The following HEG1 variants were observed in gnomAD, a reference collection of about 807,000 sequenced individuals.
The protein encoded by HEG1 is protein HEG homolog 1.
In HEG1, 56 loss-of-function variants were observed where a neutral mutation model predicts 125.6. The observed-to-expected ratio is 0.45, with a 90% confidence interval of 0.36 to 0.56. HEG1 has a LOEUF of 0.56. Ranked by LOEUF, HEG1 falls within the 20% of genes least tolerant of loss-of-function variation. HEG1 has a pLI of 0.00. For missense variants in HEG1, 1,523 were observed against 1,670.0 expected, an observed-to-expected ratio of 0.91 and a Z score of 1.53; for synonymous variants, 644 against 668.5, an observed-to-expected ratio of 0.96 and a Z score of 0.57.
chr3:124,997,856 C>G (rs975622378), intron 11 of HEG1, 33 bp from the exon 12 acceptor site: 10 of 1,542,338 alleles, frequency 6.5e-6, no homozygotes, highest in Non-Finnish European at 7.0e-6. Flanking sequence ...TGAAACAAAA[C>G]AAAACCTTCT....
chr3:124,987,924 T>TACACACACACACAC (rs67009322), intron 14 of HEG1, among the ~76,000 whole-genome samples: 1,484 of 67,308 alleles, frequency 0.022, 92 homozygotes, highest in Admixed American at 0.064. Context: ...TATATATGTG[T>TACACACACACACAC]ACACACACAC....
intron 5 of HEG1, chr3:125,014,682 G>C: frequency 8.2e-7 from 1 of 1,223,166 alleles, no homozygotes; most frequent in Non-Finnish European, 1.0e-6. Context: ...CTGAAGGGAT[G>C]TGTTAAAAGA....
intron 11 of HEG1, 54 bp downstream of exon 11, chr3:125,001,798 T>C: frequency 6.4e-7 from 1 of 1,571,528 alleles, no homozygotes; most frequent in Non-Finnish European, 8.7e-7. Context: ...ATTTCCATCT[T>C]AGGTCTGTGC....
chr3:125,033,643 A>C (rs1937519276), intron 1 of HEG1, among the ~76,000 whole-genome samples: 1 of 152,148 alleles, frequency 6.6e-6, no homozygotes, highest in South Asian at 2.1e-4. Flanking sequence ...GAATGTACTA[A>C]AACCCACCGA....
At position 125,055,911 on chromosome 3, in the gene HEG1, C is replaced by A; in HGVS notation, c.-21G>T. 4.1e-6 allele frequency: 4 copies of A among 976,556 alleles called. No individual in the cohort carries two copies. Among genetic ancestry groups the A allele is most frequent in the Non-Finnish European group, 4.8e-6 (4 of 825,466 alleles). 60.5% of individuals were successfully genotyped at this position (976,556 alleles called of 1,614,324 possible). A position where few individuals can be genotyped will look rare whatever the true frequency, so the allele number is the denominator to read the frequency against. On this transcript the variant is annotated 5_prime_UTR_variant, in exon 1 of 17. Coordinates refer to ENST00000311127, the MANE Select transcript of HEG1 (RefSeq NM_020733.2). ...GCCATGGTGACGGCGCCCGCCCGCG[C>A]TCACATGCCCGGCGCGCGGGGCGAG...
chr3:125,051,554 G>A (rs560275899), intron 1 of HEG1, among the ~76,000 whole-genome samples: 3 of 152,322 alleles, frequency 2.0e-5, no homozygotes, highest in East Asian at 1.9e-4. Flanking sequence ...CATCCCTCAC[G>A]GGCTTGTTTT....
chr3:124,984,686 G>T (rs1168329675), intron 14 of HEG1, among the ~76,000 whole-genome samples: 3 of 152,108 alleles, frequency 2.0e-5, no homozygotes, highest in African/African-American at 4.8e-5. Context: ...TTGAACCCGG[G>T]AGGCAGAGGT....
chr3:125,026,457 T>C (rs751502744), intron 3 of HEG1, among the ~76,000 whole-genome samples: 1 of 152,104 alleles, frequency 6.6e-6, no homozygotes, highest in Non-Finnish European at 1.5e-5. Context: ...AAGTGATGAA[T>C]AGTAATTGGA....
intron 1 of HEG1, among the ~76,000 whole-genome samples, chr3:125,046,164 A>G (rs1158948178): frequency 6.6e-6 from 1 of 151,856 alleles, no homozygotes; most frequent in Non-Finnish European, 1.5e-5. Flanking sequence ...TCTCTCCCCA[A>G]CTCTGCTAGC....
At chr3:124,999,641 C>T (rs1384121071) in intron 11 of HEG1, among the ~76,000 whole-genome samples, 1 of 152,268 alleles carries the variant, frequency 6.6e-6, no homozygotes, top group Non-Finnish European at 1.5e-5. Flanking sequence ...GACACAGGCC[C>T]TGCCTCTGCA....
chr3:124,981,446 G>C (rs184793438), intron 14 of HEG1, among the ~76,000 whole-genome samples: 17 of 152,282 alleles, frequency 1.1e-4, no homozygotes, highest in African/African-American at 3.8e-4. Flanking sequence ...CAGACCACAA[G>C]TTGTGTAGCA....
chr3:125,021,830 A>G (rs1417558607), intron 3 of HEG1, among the ~76,000 whole-genome samples: 1 of 152,214 alleles, frequency 6.6e-6, no homozygotes, highest in African/African-American at 2.4e-5. Context: ...ATTTAATTCC[A>G]CCCAAAAGCA....
intron 1 of HEG1, among the ~76,000 whole-genome samples, chr3:125,045,843 A>C (rs898818422): frequency 7.9e-5 from 12 of 152,180 alleles, no homozygotes; most frequent in African/African-American, 2.9e-4. Flanking sequence ...GAAGTCAACA[A>C]AACAGTTATC....
chr3:124,983,810 ATGTTTT>A (rs1299547761), intron 14 of HEG1, among the ~76,000 whole-genome samples: 2 of 152,024 alleles, frequency 1.3e-5, no homozygotes, highest in African/African-American at 2.4e-5. Context: ...CTTTCTCCTG[ATGTTTT>A]ACACAACTCT....
At chr3:125,020,379 T>A (rs1300512305) in intron 4 of HEG1, among the ~76,000 whole-genome samples, 1 of 152,172 alleles carries the variant, frequency 6.6e-6, no homozygotes, top group Non-Finnish European at 1.5e-5. Context: ...TGAGCCGTAA[T>A]CATGCCAATG....
intron 8 of HEG1, among the ~76,000 whole-genome samples, chr3:125,006,331 G>A (rs767087714): frequency 3.9e-5 from 6 of 152,278 alleles, no homozygotes; most frequent in African/African-American, 7.2e-5. Context: ...TGAGCCTGAG[G>A]GGAACGGGAC....
intron 14 of HEG1, among the ~76,000 whole-genome samples, chr3:124,986,826 C>A (rs944948747): frequency 6.6e-6 from 1 of 152,160 alleles, no homozygotes; most frequent in Non-Finnish European, 1.5e-5. Flanking sequence ...GAGGACTTGA[C>A]TTTTTCCTAA....
At chr3:125,032,591 T>C (rs1218429424) in intron 1 of HEG1, among the ~76,000 whole-genome samples, 1 of 152,230 alleles carries the variant, frequency 6.6e-6, no homozygotes, top group African/African-American at 2.4e-5. Flanking sequence ...CCACAGGGCA[T>C]GTCCCTTTGT....
At chr3:125,020,016 G>A (rs1473395485) in intron 4 of HEG1, among the ~76,000 whole-genome samples, 1 of 152,186 alleles carries the variant, frequency 6.6e-6, no homozygotes, top group Non-Finnish European at 1.5e-5. Flanking sequence ...CCAAAGTATA[G>A]CAAAAACAAA....
Sources: allele counts gnomAD v4.1 joint callset (sites outside exome capture counted in the v4.1 genomes callset), GRCh38; gene constraint gnomAD v4.1.1; transcripts MANE v1.5; gene names NCBI Gene and HGNC (gene_info 2026-07-23, HGNC 2026-07-21).